PTPRT: variants seen among roughly 807,000 people sequenced by gnomAD.
PTPRT encodes protein tyrosine phosphatase receptor type T.
PTPRT carries 56 observed loss-of-function variants against 176.8 expected under a neutral mutation model. The observed-to-expected ratio is 0.32, with a 90% CI of 0.26 to 0.40. The LOEUF (loss-of-function observed/expected upper bound fraction) is 0.40. PTPRT is among the 10% of genes least tolerant of loss of function. PTPRT has a pLI of 1.00. For synonymous variants in PTPRT, 783 were observed against 739.0 expected, an observed-to-expected ratio of 1.06 and a Z score of -0.96; for missense variants, 1,540 against 1,908.2, an observed-to-expected ratio of 0.81 and a Z score of 3.60.
At chr20:42,893,620 A>G (rs546556160) in intron 1 of PTPRT, among the ~76,000 whole-genome samples, 61 of 152,180 alleles carry the variant, frequency 4.0e-4, no homozygotes, top group African/African-American at 1.4e-3. Context: ...CCAAATGTCC[A>G]ACAACGATAG....
At chr20:42,181,580 G>C (rs1024034431) in intron 16 of PTPRT, among the ~76,000 whole-genome samples, 3 of 152,174 alleles carry the variant, frequency 2.0e-5, no homozygotes, top group African/African-American at 7.2e-5. Flanking sequence ...CGCTATGTCT[G>C]CAGGTCCTCA....
At chr20:42,606,732 A>G (rs1600459694) in intron 7 of PTPRT, 1 of 152,282 alleles carries the variant, frequency 6.6e-6, no homozygotes, top group Admixed American at 6.5e-5. Context: ...TATTTGCTCT[A>G]CATGGTCATT....
intron 15 of PTPRT, among the ~76,000 whole-genome samples, chr20:42,200,954 A>G (rs1212749714): frequency 6.6e-6 from 1 of 152,240 alleles, no homozygotes; most frequent in Middle Eastern, 3.2e-3. Flanking sequence ...AGCCCCACTG[A>G]TCATGAAACA....
chr20:42,300,402 C>T (rs921049319), intron 12 of PTPRT, among the ~76,000 whole-genome samples: 12 of 151,886 alleles, frequency 7.9e-5, no homozygotes, highest in African/African-American at 2.7e-4. Flanking sequence ...TAATAAGTAC[C>T]ATTCCCCATT....
intron 1 of PTPRT, among the ~76,000 whole-genome samples, chr20:43,145,634 C>A (rs527893720): frequency 2.6e-5 from 4 of 152,330 alleles, no homozygotes; most frequent in Admixed American, 2.6e-4. Context: ...ACACTTTCAG[C>A]TTCCATTTTT....
chr20:42,058,976 C>G, the PTPRT span, among the ~76,000 whole-genome samples: 1 of 152,180 alleles, frequency 6.6e-6, no homozygotes, highest in African/African-American at 2.4e-5. Context: ...ACTAGAATCA[C>G]CTGGGGAGGG....
At chr20:42,179,618 T>C (rs945271120) in intron 16 of PTPRT, among the ~76,000 whole-genome samples, 1 of 152,210 alleles carries the variant, frequency 6.6e-6, no homozygotes, top group Admixed American at 6.5e-5. Flanking sequence ...TAAATTTTCA[T>C]GCTAAATAAA....
At chr20:42,228,330 C>G (rs549043682) in intron 15 of PTPRT, among the ~76,000 whole-genome samples, 2 of 152,156 alleles carry the variant, frequency 1.3e-5, no homozygotes, top group Non-Finnish European at 2.9e-5. Context: ...AGTGACAGAG[C>G]CTCTGACTTA....
At chr20:42,591,975 CTTTTTTTTTTTT>C (rs71335866) in intron 7 of PTPRT, among the ~76,000 whole-genome samples, 3 of 102,376 alleles carry the variant, frequency 2.9e-5, no homozygotes, top group South Asian at 6.8e-4. Flanking sequence ...GCTGGAGATT[CTTTTTTTTTTTT>C]TTTTTTTTTT....
chr20:43,181,462 G>A (rs935721158), intron 1 of PTPRT, among the ~76,000 whole-genome samples: 1 of 152,148 alleles, frequency 6.6e-6, no homozygotes, highest in African/African-American at 2.4e-5. Context: ...CTGGGCCCAG[G>A]CACTTGGAGG....
At chr20:42,604,216 C>A (rs1270118573) in intron 7 of PTPRT, among the ~76,000 whole-genome samples, 3 of 152,114 alleles carry the variant, frequency 2.0e-5, no homozygotes, top group Non-Finnish European at 2.9e-5. Flanking sequence ...CTCCATTTGT[C>A]CCCCCGCTCT....
Position 42,606,138 on chromosome 20 carries a change from C to T in PTPRT, c.1153+71728G>A, listed in dbSNP as rs1387254586. Among the ~76,000 whole-genome samples the T allele has an allele frequency of 2.0e-5, 3 of 152,142 alleles. No individual in the cohort carries two copies. In the East Asian group the frequency reaches 5.8e-4, roughly 29 times the overall value. On this transcript the variant is annotated intron_variant, in intron 7 of 30. Coordinates refer to ENST00000373187, the MANE Select transcript of PTPRT (RefSeq NM_007050.6). ...TGAGCCCCGTTGGCTCTTCTCTGGGCCCAGATTTTTCTCTGGCTGTGTTTT... is the reference window on the plus strand; with the variant it reads ...TGAGCCCCGTTGGCTCTTCTCTGGGTCCAGATTTTTCTCTGGCTGTGTTTT...
intron 17 of PTPRT, among the ~76,000 whole-genome samples, chr20:42,154,859 T>TG (rs927331443): frequency 3.3e-5 from 5 of 151,930 alleles, no homozygotes; most frequent in African/African-American, 1.2e-4. Flanking sequence ...GAACTGGAGC[T>TG]GGGGGGGAAG....
chr20:42,577,854 T>C (rs1434620561), intron 7 of PTPRT, among the ~76,000 whole-genome samples: 1 of 151,132 alleles, frequency 6.6e-6, no homozygotes, highest in Non-Finnish European at 1.5e-5. Flanking sequence ...TGTGTGTGTG[T>C]GTGTGTGTGT....
intron 4 of PTPRT, among the ~76,000 whole-genome samples, chr20:42,778,204 C>A (rs1488956959): frequency 6.6e-6 from 1 of 152,164 alleles, no homozygotes; most frequent in Non-Finnish European, 1.5e-5. Context: ...CTCCAAAGAG[C>A]CCTCTCCCAT....
chr20:43,188,504 T>C (rs2015451086), intron 1 of PTPRT, among the ~76,000 whole-genome samples: 1 of 152,142 alleles, frequency 6.6e-6, no homozygotes, highest in Admixed American at 6.5e-5. Context: ...GGTTCGTTCT[T>C]TTGCTCTTTC....
chr20:42,210,356 T>C (rs2055590953), intron 15 of PTPRT, among the ~76,000 whole-genome samples: 3 of 151,918 alleles, frequency 2.0e-5, no homozygotes, highest in Admixed American at 2.0e-4. Context: ...GGAAGTCAAA[T>C]TGTCCCTGTT....
chr20:42,959,153 T>C lies in PTPRT; in HGVS notation c.89-73221A>G, dbSNP rs536661629. Among the ~76,000 whole-genome samples the C allele has an allele frequency of 3.9e-5, 6 of 152,302 alleles. No homozygotes were observed. In the South Asian group the frequency reaches 1.2e-3, roughly 32 times the overall value. ...GGGTTTGAACTTAGTGGGGTGTCTTTGGACAGGTTAAGTTTTCTATGTGAG... is the reference window on the plus strand; with the variant it reads ...GGGTTTGAACTTAGTGGGGTGTCTTCGGACAGGTTAAGTTTTCTATGTGAG... On this transcript the variant is annotated intron_variant, in intron 1 of 30. Coordinates refer to ENST00000373187, the MANE Select transcript of PTPRT (RefSeq NM_007050.6).
chr20:42,408,668 A>T (rs1295976750), intron 9 of PTPRT, among the ~76,000 whole-genome samples: 1 of 152,144 alleles, frequency 6.6e-6, no homozygotes, highest in East Asian at 1.9e-4. Flanking sequence ...CAGAGAATTA[A>T]ACCTGATAAC....
Sources: allele counts gnomAD v4.1 joint callset (sites outside exome capture counted in the v4.1 genomes callset), GRCh38; gene constraint gnomAD v4.1.1; transcripts MANE v1.5; gene names NCBI Gene and HGNC (gene_info 2026-07-23, HGNC 2026-07-21).